PTPRD: variants seen among roughly 807,000 people sequenced by gnomAD.
The protein encoded by PTPRD is protein tyrosine phosphatase receptor type D, also known as receptor-type tyrosine-protein phosphatase delta.
Under a neutral mutation model 214.5 loss-of-function variants are expected in PTPRD, and 34 were observed. The ratio of observed to expected loss-of-function variants is 0.16; its 90% CI spans 0.12 to 0.21. The LOEUF is 0.21. Among genes scored for constraint, PTPRD ranks in the 10% least tolerant of loss-of-function variants. The pLI, the probability that PTPRD is intolerant of heterozygous loss-of-function variation, is 1.00. For missense variants in PTPRD, 2,545 were observed against 2,398.7 expected, an observed-to-expected ratio of 1.06 and a Z score of -1.27; for synonymous variants, 1,128 against 845.7, an observed-to-expected ratio of 1.33 and a Z score of -5.79.
intron 11 of PTPRD, among the ~76,000 whole-genome samples, chr9:8,991,779 G>T (rs2154348191): frequency 6.6e-6 from 1 of 152,116 alleles, no homozygotes. Context: ...TTATACATTT[G>T]CTAGTTCATA....
chr9:8,487,814 A>G (rs1396693534), intron 27 of PTPRD, among the ~76,000 whole-genome samples: 7 of 73,260 alleles, frequency 9.6e-5, no homozygotes, highest in African/African-American at 3.5e-4. Flanking sequence ...CGTCTCAAAA[A>G]CAAACAAACA....
intron 4 of PTPRD, among the ~76,000 whole-genome samples, chr9:9,986,829 A>T (rs1451026515): frequency 6.6e-6 from 1 of 152,170 alleles, no homozygotes; most frequent in Non-Finnish European, 1.5e-5. Flanking sequence ...TCTGAGATCT[A>T]CTGTACAATG....
intron 4 of PTPRD, among the ~76,000 whole-genome samples, chr9:10,032,864 T>C (rs1470450771): frequency 6.6e-6 from 1 of 151,992 alleles, no homozygotes; most frequent in Non-Finnish European, 1.5e-5. Context: ...ATTATTTATC[T>C]ATAAAGATAG....
Position 9,310,470 on chromosome 9 carries a change from T to C in PTPRD, c.-203+86979A>G, listed in dbSNP as rs562948985. Among the ~76,000 whole-genome samples, 3 of 152,276 alleles carry C rather than the reference T, an allele frequency of 2.0e-5. No individual in the cohort carries two copies. The South Asian group carries it at 6.2e-4, about 32-fold the overall frequency. On this transcript the variant is annotated intron_variant, in intron 9 of 45. Transcript: ENST00000381196. ...ACAAGTGAAAGGTGCTGAAGGTAACTGATCCTCTGTTGTATTTCTTTAAAA... is the reference window on the plus strand; with the variant it reads ...ACAAGTGAAAGGTGCTGAAGGTAACCGATCCTCTGTTGTATTTCTTTAAAA...
chr9:10,270,180 T>C (rs2094338846), intron 3 of PTPRD, among the ~76,000 whole-genome samples: 1 of 152,138 alleles, frequency 6.6e-6, no homozygotes, highest in South Asian at 2.1e-4. Flanking sequence ...CATACATATA[T>C]TTTTAAAATC....
At chr9:8,887,255 T>G (rs1408846964) in intron 11 of PTPRD, among the ~76,000 whole-genome samples, 1 of 152,176 alleles carries the variant, frequency 6.6e-6, no homozygotes, top group South Asian at 2.1e-4. Flanking sequence ...GAGACCTAGG[T>G]GGTTGAGACC....
intron 12 of PTPRD, among the ~76,000 whole-genome samples, chr9:8,661,793 T>TAGGTCACC (rs2097060168): frequency 6.6e-6 from 1 of 152,226 alleles, no homozygotes; most frequent in Admixed American, 6.5e-5. Flanking sequence ...ACCTATGCAG[T>TAGGTCACC]TATAGTAAAG....
intron 14 of PTPRD, among the ~76,000 whole-genome samples, chr9:8,566,583 A>G (rs2089312996): frequency 6.6e-6 from 1 of 152,178 alleles, no homozygotes; most frequent in South Asian, 2.1e-4. Context: ...AACAGATCTG[A>G]GTAGATCACC....
intron 25 of PTPRD, 45 bp downstream of exon 25, chr9:8,499,602 A>G (rs2097350479): frequency 1.3e-6 from 2 of 1,563,554 alleles, no homozygotes; most frequent in Non-Finnish European, 1.7e-6. Flanking sequence ...GAACTAAGAT[A>G]AACTTATTAT....
At chr9:8,683,045 C>G (rs1319085878) in intron 12 of PTPRD, among the ~76,000 whole-genome samples, 1 of 152,156 alleles carries the variant, frequency 6.6e-6, no homozygotes, top group African/African-American at 2.4e-5. Flanking sequence ...TTACCTTAAT[C>G]ACTGCCTTAA....
At chr9:8,974,363 C>G (rs537611355) in intron 11 of PTPRD, among the ~76,000 whole-genome samples, 1 of 152,140 alleles carries the variant, frequency 6.6e-6, no homozygotes, top group East Asian at 1.9e-4. Flanking sequence ...TACAGTTCTA[C>G]TAGTGTACCA....
chr9:10,377,259 A>G (rs546229846), intron 2 of PTPRD, among the ~76,000 whole-genome samples: 2 of 151,836 alleles, frequency 1.3e-5, no homozygotes, highest in African/African-American at 4.8e-5. Context: ...GATGAATAGC[A>G]CTCCATTATG....
intron 9 of PTPRD, among the ~76,000 whole-genome samples, chr9:9,188,995 T>C (rs900325783): frequency 2.6e-5 from 4 of 152,100 alleles, no homozygotes; most frequent in Non-Finnish European, 5.9e-5. Context: ...AAGCTAGCCA[T>C]GAAGAACTAC....
At chr9:8,684,720 T>C (rs1162922778) in intron 12 of PTPRD, among the ~76,000 whole-genome samples, 1 of 152,212 alleles carries the variant, frequency 6.6e-6, no homozygotes, top group African/African-American at 2.4e-5. Context: ...AGAAGACACC[T>C]ATTTAGAACA....
At chr9:10,517,089 T>C (rs1329367671) in intron 2 of PTPRD, among the ~76,000 whole-genome samples, 1 of 152,034 alleles carries the variant, frequency 6.6e-6, no homozygotes, top group Non-Finnish European at 1.5e-5. Flanking sequence ...AGATTTTTTT[T>C]CTATTTCATT....
Position 9,947,503 on chromosome 9 carries a change from TATATATATAA to T in PTPRD, c.-471-8903_-471-8894del, listed in dbSNP as rs2092859579. Reference sequence around the variant, plus strand: ...TATTTTATATATATTATATATATTTTATATATATAATATATATATTATATATATTTTATAT... The same window carrying T: ...TATTTTATATATATTATATATATTTTTATATATATTATATATATTTTATAT... On this transcript the variant is annotated intron_variant, in intron 4 of 45. Coordinates refer to ENST00000381196, the MANE Select transcript of PTPRD (RefSeq NM_002839.4). 7.6e-4 allele frequency among the ~76,000 whole-genome samples: 24 copies of T among 31,602 alleles called. 2 individuals carry two copies. In the South Asian group the frequency reaches 0.015, roughly 20 times the overall value. 20.7% of individuals were successfully genotyped at this position (31,602 alleles called of 152,430 possible).
At chr9:9,276,443 G>T (rs912014191) in intron 9 of PTPRD, among the ~76,000 whole-genome samples, 2 of 151,296 alleles carry the variant, frequency 1.3e-5, no homozygotes, top group African/African-American at 4.8e-5. Context: ...AATGGGCAAG[G>T]TGGTTTTCTC....
At chr9:9,269,383 G>A (rs1489102395) in intron 9 of PTPRD, among the ~76,000 whole-genome samples, 1 of 151,212 alleles carries the variant, frequency 6.6e-6, no homozygotes, top group African/African-American at 2.4e-5. Context: ...GGAAAAAAAA[G>A]AATCCTTATG....
At chr9:8,425,885 C>A (rs1407766948) in intron 35 of PTPRD, among the ~76,000 whole-genome samples, 1 of 152,030 alleles carries the variant, frequency 6.6e-6, no homozygotes, top group African/African-American at 2.4e-5. Context: ...AGTGAAAATA[C>A]CTTTTTTTGA....
Sources: gnomAD v4.1 joint callset for allele counts (sites outside exome capture counted in the v4.1 genomes callset) on GRCh38, gnomAD v4.1.1 for gene constraint, MANE v1.5 for transcripts, NCBI Gene and HGNC (gene_info 2026-07-23, HGNC 2026-07-21) for gene names.